The following ARMC9 variants were observed in gnomAD, a reference collection of about 807,000 sequenced individuals.
The protein encoded by ARMC9 is armadillo repeat containing 9.
Under a neutral mutation model 107.0 loss-of-function variants are expected in ARMC9, and 94 were observed. The observed-to-expected ratio is 0.88, with a 90% confidence interval of 0.74 to 1.04. The LOEUF (loss-of-function observed/expected upper bound fraction) is 1.04, where lower values mean the gene tolerates loss of function less well. ARMC9 is among the 50% of genes least tolerant of loss of function. The pLI, the probability that ARMC9 is intolerant of heterozygous loss-of-function variation, is 0.00. For synonymous variants in ARMC9, 380 were observed against 396.9 expected, an observed-to-expected ratio of 0.96 and a Z score of 0.51; for missense variants, 942 against 1,030.1, an observed-to-expected ratio of 0.91 and a Z score of 1.17.
At position 231,374,729 on chromosome 2, in the gene ARMC9, C is replaced by T. The variant is rs1015693815; in HGVS notation, c.*3194C>T. ...GCTTGTCTAACCCTAATCCCAGCCC[C>T]AGTTTTAATAAAACTGTATTTACAA... On this transcript the variant is annotated 3_prime_UTR_variant, in exon 25 of 25. Transcript: ENST00000611582. 2.0e-5 allele frequency: 3 copies of T among 152,186 alleles called. No homozygotes were observed. Among genetic ancestry groups the T allele is most frequent in the Non-Finnish European group, 4.4e-5 (3 of 68,038 alleles). The allele number at this position is 152,186 out of a possible 1,614,324, so 9.4% of individuals were successfully genotyped here.
rs1440763905 is a variant in ARMC9, at chr2:231,375,650, A to G, written c.*4115A>G. On this transcript the variant is annotated 3_prime_UTR_variant, in exon 25 of 25. Transcript: ENST00000611582. The surrounding 1 kb of genome is among the most constrained non-coding windows in gnomAD (Gnocchi z 4.3). ...AGAATTTCTGGCCTTTTCGGATGGCATGGTCCAGGCCGGAGCACCAGCCCC... is the reference window on the plus strand; with the variant it reads ...AGAATTTCTGGCCTTTTCGGATGGCGTGGTCCAGGCCGGAGCACCAGCCCC... Among the ~76,000 whole-genome samples the G allele has an allele frequency of 1.3e-5, 2 of 152,226 alleles. 1 individual carries two copies. Among genetic ancestry groups the G allele is most frequent in the South Asian group, 4.1e-4 (2 of 4,834 alleles).
intron 21 of ARMC9, among the ~76,000 whole-genome samples, chr2:231,350,551 G>T (rs1278715444): frequency 2.0e-5 from 3 of 151,128 alleles, no homozygotes; most frequent in African/African-American, 7.3e-5. Context: ...CAGTCCCAGA[G>T]GTCGTGGCTG....
At chr2:231,281,615 T>C (rs1329935102) in intron 16 of ARMC9, among the ~76,000 whole-genome samples, 1 of 152,122 alleles carries the variant, frequency 6.6e-6, no homozygotes, top group Non-Finnish European at 1.5e-5. Flanking sequence ...TTTGGAGATT[T>C]GATGTAGCCT....
rs751337667 is a variant in ARMC9 at position 231,239,976 on chromosome 2, C to T, written c.814C>T (p.Arg272Cys). The change falls in exon 9 of 25, where the codon CGC becomes TGC. Residue 272 changes from arginine (R) to cysteine (C), a missense_variant. Arg to Cys is a radical substitution (Grantham distance 180, BLOSUM62 -3). Coordinates refer to ENST00000611582, the MANE Select transcript of ARMC9 (RefSeq NM_001352754.2). ...TPEYLQSVCV[R>C]LFSNQMRQSL... is the part of the protein sequence containing the mutation. ...TGAGTACCTCCAGAGCGTCTGTGTC[C>T]GCCTGTTCAGTAACCAGATGCGGCA... 29 of 1,613,890 alleles carry T rather than the reference C, an allele frequency of 1.8e-5. No homozygotes were observed. Among genetic ancestry groups the T allele is most frequent in the East Asian group, 2.2e-5 (1 of 44,894 alleles).
At chr2:231,296,296 A>G (rs1448515761) in intron 19 of ARMC9, 43 bp downstream of exon 19, 1 of 1,494,316 alleles carries the variant, frequency 6.7e-7, no homozygotes, top group Non-Finnish European at 9.3e-7. Flanking sequence ...ACCCATACCA[A>G]ACTATTCTCT....
At position 231,265,029 on chromosome 2, in the gene ARMC9, C is replaced by T. The variant is rs147441167; in HGVS notation, c.1119+2631C>T. On this transcript the variant is annotated intron_variant, in intron 12 of 24. Transcript: ENST00000611582. ...AGGAGAATCGCTTGAACCCGGGAGACGGAGGTTGCAGTGAGCAGAGATGGC... is the reference window on the plus strand; with the variant it reads ...AGGAGAATCGCTTGAACCCGGGAGATGGAGGTTGCAGTGAGCAGAGATGGC... 3.0e-4 allele frequency among the ~76,000 whole-genome samples: 46 copies of T among 151,688 alleles called. 1 individual carries two copies. The East Asian group carries it at 6.8e-3, about 23-fold the overall frequency.
chr2:231,271,160 T>C, intron 13 of ARMC9, 88 bp downstream of exon 13: 1 of 1,294,578 alleles, frequency 7.7e-7, no homozygotes, highest in Non-Finnish European at 1.1e-6. Context: ...CCCAAGTTTC[T>C]TAGAGATGAC....
chr2:231,331,949 A>G (rs1355227007), intron 20 of ARMC9, 52 bp downstream of exon 20: 3 of 1,443,948 alleles, frequency 2.1e-6, no homozygotes, highest in Non-Finnish European at 2.9e-6. Context: ...CCAGATGGAC[A>G]TTGATGGATT....
chr2:231,220,281 CTG>C (rs2033977523), intron 5 of ARMC9, among the ~76,000 whole-genome samples: 1 of 151,808 alleles, frequency 6.6e-6, no homozygotes, highest in African/African-American at 2.4e-5. Context: ...TCATTCCTTC[CTG>C]TCTTTTATTT....
At chr2:231,320,027 CTAGT>C (rs2042911297) in intron 19 of ARMC9, among the ~76,000 whole-genome samples, 1 of 152,048 alleles carries the variant, frequency 6.6e-6, no homozygotes, top group South Asian at 2.1e-4. Context: ...ACATAAGTGG[CTAGT>C]ATTATATGAA....
At chr2:231,207,632 C>T (rs1051516846) in intron 2 of ARMC9, among the ~76,000 whole-genome samples, 10 of 152,172 alleles carry the variant, frequency 6.6e-5, no homozygotes, top group South Asian at 4.1e-4. Flanking sequence ...CGCGCCACTG[C>T]GCCTGGCTAA....
At chr2:231,289,284 T>C (rs2125467276) in intron 17 of ARMC9, among the ~76,000 whole-genome samples, 1 of 152,184 alleles carries the variant, frequency 6.6e-6, no homozygotes, top group African/African-American at 2.4e-5. Context: ...CTGGGTGACA[T>C]GGTGAAACCC....
At chr2:231,267,956 T>C (rs1304537358) in intron 12 of ARMC9, among the ~76,000 whole-genome samples, 2 of 152,208 alleles carry the variant, frequency 1.3e-5, no homozygotes, top group African/African-American at 4.8e-5. Context: ...AAACACTGGC[T>C]GCAACCCAAA....
At chr2:231,351,698 T>C (rs2045088187) in intron 21 of ARMC9, among the ~76,000 whole-genome samples, 1 of 152,176 alleles carries the variant, frequency 6.6e-6, no homozygotes, top group African/African-American at 2.4e-5. Context: ...TAAAAGATGA[T>C]TTAATGATTT....
rs1430425906 is a variant in ARMC9, at chr2:231,255,693, G to A, written c.880-893G>A. On this transcript the variant is annotated intron_variant, in intron 9 of 24. Coordinates refer to ENST00000611582, the MANE Select transcript of ARMC9 (RefSeq NM_001352754.2). This position sits in a 1 kb window ranked among gnomAD's most constrained non-coding sequence, Gnocchi z 4.7. ...GTGGTGTGTAACTTTAGTTTGGGTT[G>A]ATTTTTACATCGTATGTGACTTTGG... Among the ~76,000 whole-genome samples the A allele has an allele frequency of 6.6e-6, 1 of 152,176 alleles. No homozygotes were observed. Among genetic ancestry groups the A allele is most frequent in the Non-Finnish European group, 1.5e-5 (1 of 68,032 alleles).
chr2:231,204,817 G>A (rs1194871979), intron 1 of ARMC9, among the ~76,000 whole-genome samples: 1 of 152,146 alleles, frequency 6.6e-6, no homozygotes, highest in African/African-American at 2.4e-5. Context: ...TGGGTGTTCA[G>A]TGGGTGTCCA....
At chr2:231,205,651 G>C (rs140576924) in intron 1 of ARMC9, among the ~76,000 whole-genome samples, 215 of 152,302 alleles carry the variant, frequency 1.4e-3, no homozygotes, top group African/African-American at 4.8e-3. Flanking sequence ...TAGTGCCGCT[G>C]AACAAATGAC....
chr2:231,366,110 G>A (rs1263791697), intron 23 of ARMC9, among the ~76,000 whole-genome samples: 4 of 152,330 alleles, frequency 2.6e-5, no homozygotes, highest in East Asian at 3.9e-4. Context: ...CTTGGCAAGC[G>A]CAGAATCTGA....
chr2:231,262,231 A>G, intron 11 of ARMC9, 75 bp from the exon 12 acceptor site: 2 of 1,403,198 alleles, frequency 1.4e-6, no homozygotes, highest in Non-Finnish European at 2.0e-6. Flanking sequence ...CTGCCATCTA[A>G]AACACACCTG....
Sources: gnomAD v4.1 joint callset for allele counts (sites outside exome capture counted in the v4.1 genomes callset) on GRCh38, gnomAD v4.1.1 for gene constraint, Gnocchi (gnomAD v3.1) non-coding constraint, MANE v1.5 for transcripts, NCBI Gene and HGNC (gene_info 2026-07-23, HGNC 2026-07-21) for gene names.